The following TJP1 variants were observed in gnomAD, a reference collection of about 807,000 sequenced individuals.
TJP1 encodes the protein tight junction protein 1.
Under a neutral mutation model 194.2 loss-of-function variants are expected in TJP1, and 43 were observed. That is an observed-to-expected ratio of 0.22 (90% confidence interval 0.17 to 0.29). The LOEUF (loss-of-function observed/expected upper bound fraction) is 0.29. Among genes scored for constraint, TJP1 ranks in the 10% least tolerant of loss-of-function variants. The probability of loss-of-function intolerance (pLI) is 1.00; values close to 1 mark genes in which losing one functional copy is unlikely to be tolerated. For synonymous variants in TJP1, 801 were observed against 779.0 expected (o/e 1.03, Z -0.47); for missense variants, 1,971 against 2,185.7 (o/e 0.90, Z 1.96).
At chr15:29,931,651 G>A (rs1163914679) in intron 2 of TJP1, among the ~76,000 whole-genome samples, 2 of 152,092 alleles carry the variant, frequency 1.3e-5, no homozygotes, top group Non-Finnish European at 2.9e-5. Context: ...TTCAAGAACC[G>A]CCTAAGGTGG....
In TJP1 at chr15:29,941,818, G is replaced by A. The variant is rs1192396244; in HGVS notation, c.306+14414C>T. 3.3e-5 allele frequency among the ~76,000 whole-genome samples: 5 copies of A among 152,112 alleles called. 1 individual carries two copies. In the South Asian group the frequency reaches 6.2e-4, roughly 19 times the overall value. On this transcript the variant is annotated intron_variant, in intron 2 of 28. Transcript: ENST00000356107. ...AGGCAGACAAGATGATGACAATGGC[G>A]TGCATGCGTGTATGTGTTTGCATGT...
intron 2 of TJP1, among the ~76,000 whole-genome samples, chr15:29,913,378 G>A (rs904683182): frequency 6.6e-6 from 1 of 152,154 alleles, no homozygotes; most frequent in Non-Finnish European, 1.5e-5. Flanking sequence ...TCAGAGGCAG[G>A]AGAATGACCT....
intron 1 of TJP1, among the ~76,000 whole-genome samples, chr15:29,957,777 G>A (rs990004001): frequency 1.3e-5 from 2 of 152,194 alleles, no homozygotes; most frequent in African/African-American, 4.8e-5. Context: ...ATTGCTCAAA[G>A]TAGAAAGGCA....
intron 1 of TJP1, among the ~76,000 whole-genome samples, chr15:29,806,090 T>G (rs149641353): frequency 6.6e-6 from 1 of 152,142 alleles, no homozygotes; most frequent in African/African-American, 2.4e-5. Context: ...TCAAATGATA[T>G]AAGAATTCAT....
chr15:29,720,143 C>CT, intron 19 of TJP1, 127 bp from the exon 20 acceptor site: 1 of 1,336,138 alleles, frequency 7.5e-7, no homozygotes, highest in South Asian at 1.5e-5. Context: ...ACCTCATGTC[C>CT]TAAACTTTTT....
At chr15:29,791,764 C>G (rs563664363) in intron 2 of TJP1, among the ~76,000 whole-genome samples, 3 of 152,162 alleles carry the variant, frequency 2.0e-5, no homozygotes, top group Non-Finnish European at 4.4e-5. Flanking sequence ...TCTCTTTTTT[C>G]TGCCTGCTCA....
At chr15:29,958,417 G>A (rs1165952324) in intron 1 of TJP1, among the ~76,000 whole-genome samples, 2 of 150,648 alleles carry the variant, frequency 1.3e-5, no homozygotes, top group Non-Finnish European at 3.0e-5. Context: ...CAAATTTATT[G>A]TTTTTACTCA....
intron 1 of TJP1, chr15:29,968,047 G>A (rs2056389724): frequency 1.0e-6 from 1 of 983,546 alleles, no homozygotes; most frequent in African/African-American, 1.7e-5. Flanking sequence ...AATCAGCAAC[G>A]TAAACCAGTA....
chr15:29,769,462 CAAGT>C (rs1380992209), intron 4 of TJP1, among the ~76,000 whole-genome samples: 1 of 152,142 alleles, frequency 6.6e-6, no homozygotes, highest in Non-Finnish European at 1.5e-5. Context: ...ATTAACTAAA[CAAGT>C]AGGTAGTAAT....
intron 2 of TJP1, among the ~76,000 whole-genome samples, chr15:29,912,247 G>A (rs143343963): frequency 3.4e-4 from 52 of 152,308 alleles, no homozygotes; most frequent in East Asian, 9.6e-4. Flanking sequence ...AGGTCCTACC[G>A]CCTAATACCA....
At chr15:29,929,742 A>T (rs983278291) in intron 2 of TJP1, among the ~76,000 whole-genome samples, 1 of 152,080 alleles carries the variant, frequency 6.6e-6, no homozygotes, top group Non-Finnish European at 1.5e-5. Flanking sequence ...ATGACTCAAG[A>T]AGTCAGAAAA....
In TJP1 at chr15:29,769,478, T is replaced by G. The variant is rs565730454; in HGVS notation, c.312+2586A>C. Among the ~76,000 whole-genome samples the G allele has an allele frequency of 2.6e-5, 4 of 152,228 alleles. No homozygotes were observed. In the East Asian group the frequency reaches 7.7e-4, roughly 29 times the overall value. ...TTAACTAAACAAGTAGGTAGTAATA[T>G]GATGATTTTTGCAGCTGAATTTTAA... On this transcript the variant is annotated intron_variant, in intron 4 of 27. Transcript: ENST00000614355.
Position 29,833,857 on chromosome 15 carries a change from G to GTATATA in TJP1, c.307-33161_307-33156dup, listed in dbSNP as rs71416436. 9.2e-3 allele frequency among the ~76,000 whole-genome samples: 236 copies of GTATATA among 25,624 alleles called. 7 individuals carry two copies. Among genetic ancestry groups the GTATATA allele is most frequent in the Middle Eastern group, 0.028 (1 of 36 alleles). 16.8% of individuals were successfully genotyped at this position (25,624 alleles called of 152,430 possible). On this transcript the variant is annotated intron_variant, in intron 2 of 28. Transcript: ENST00000356107. ...TAAAGATGCAATATAATTTTTGTAAGTATATATATATATATATATATATAT... is the reference window on the plus strand; with the variant it reads ...TAAAGATGCAATATAATTTTTGTAAGTATATATATATATATATATATATATATATAT...
intron 2 of TJP1, among the ~76,000 whole-genome samples, chr15:29,860,149 G>A (rs989026894): frequency 5.3e-5 from 8 of 152,114 alleles, no homozygotes; most frequent in African/African-American, 1.9e-4. Flanking sequence ...GGATTGTCTG[G>A]GAGTCAGAGC....
At chr15:29,967,196 GTTTA>G (rs1233508970) in intron 1 of TJP1, among the ~76,000 whole-genome samples, 1 of 151,242 alleles carries the variant, frequency 6.6e-6, no homozygotes, top group Admixed American at 6.6e-5. Flanking sequence ...TATTTTTTTG[GTTTA>G]TTTGTTTGTT....
At chr15:29,823,930 A>C (rs977646515), upstream of TJP1, 1 of 151,448 alleles carries the variant, frequency 6.6e-6, no homozygotes, top group East Asian at 1.9e-4. Flanking sequence ...TATTAAAAAT[A>C]CAAAAATTAG....
intron 10 of TJP1, 139 bp from the exon 11 acceptor site, chr15:29,737,553 A>G: frequency 2.3e-6 from 2 of 882,398 alleles, no homozygotes; most frequent in Non-Finnish European, 3.3e-6. Context: ...ATTTTACTAA[A>G]TAAAATTTAG....
chr15:29,778,330 C>CTT (rs774475196), intron 2 of TJP1, among the ~76,000 whole-genome samples: 9 of 149,648 alleles, frequency 6.0e-5, no homozygotes, highest in Non-Finnish European at 1.0e-4. Flanking sequence ...AGTTGGTGGA[C>CTT]TTAAAAAAAA....
intron 2 of TJP1, among the ~76,000 whole-genome samples, chr15:29,890,682 T>C (rs1052102545): frequency 3.9e-5 from 6 of 152,154 alleles, no homozygotes; most frequent in Admixed American, 3.3e-4. Context: ...AAAAAATATG[T>C]TGAAAAATGA....
Sources: gnomAD v4.1 joint callset for allele counts (sites outside exome capture counted in the v4.1 genomes callset) on GRCh38, gnomAD v4.1.1 for gene constraint, MANE v1.5 for transcripts, NCBI Gene and HGNC (gene_info 2026-07-23, HGNC 2026-07-21) for gene names.